PWWP2B: variants seen among roughly 807,000 people sequenced by gnomAD.
PWWP2B encodes PWWP domain containing 2B.
In PWWP2B, 9 loss-of-function variants were observed where a neutral mutation model predicts 15.5. The observed-to-expected ratio is 0.58, with a 90% CI of 0.35 to 1.02. The LOEUF (loss-of-function observed/expected upper bound fraction) is 1.02, where lower values mean the gene tolerates loss of function less well. PWWP2B is among the 50% of genes least tolerant of loss of function. The pLI is 0.02. For missense variants in PWWP2B, 864 were observed against 865.3 expected, an observed-to-expected ratio of 1.00 and a Z score of 0.02; for synonymous variants, 474 against 403.6, an observed-to-expected ratio of 1.17 and a Z score of -2.09.
At chr10:132,402,577 G>A (rs1435137127) in intron 1 of PWWP2B, among the ~76,000 whole-genome samples, 1 of 152,272 alleles carries the variant, frequency 6.6e-6, no homozygotes, top group African/African-American at 2.4e-5. Context: ...ACACGAAGTT[G>A]GTTCTCAGAA....
intron 2 of PWWP2B, among the ~76,000 whole-genome samples, 171 bp from the exon 3 acceptor site, chr10:132,416,890 G>A (rs867654601): frequency 4.4e-4 from 67 of 152,148 alleles, no homozygotes; most frequent in African/African-American, 1.4e-3. Context: ...CAGCACAGCC[G>A]GGCTGTGGGC....
intron 2 of PWWP2B, among the ~76,000 whole-genome samples, chr10:132,408,841 A>G (rs1373890676): frequency 2.6e-5 from 4 of 152,224 alleles, no homozygotes; most frequent in Non-Finnish European, 5.9e-5. Context: ...CGGATGCCCC[A>G]CAGACCACAG....
At chr10:132,414,736 G>A (rs1430340986) in intron 2 of PWWP2B, among the ~76,000 whole-genome samples, 1 of 152,202 alleles carries the variant, frequency 6.6e-6, no homozygotes, top group Non-Finnish European at 1.5e-5. Flanking sequence ...TCTAATCCTC[G>A]CAAACATTCC....
rs2069685997 is a variant in PWWP2B at position 132,405,620 on chromosome 10, G to C, written c.1120G>C (p.Ala374Pro). The C allele has an allele frequency of 1.2e-6, 2 of 1,612,006 alleles. No homozygotes were observed. The change falls in exon 2 of 3, where the codon GCC (alanine) becomes CCC (proline). Residue 374 changes from alanine to proline, a missense_variant. Physicochemically the swap from Ala to Pro is conservative, Grantham distance 27 (BLOSUM62 -1). Transcript: ENST00000305233. Reference sequence around the variant, plus strand: ...GCCGGCGCCCTGTGCGGACGGCCCTGCCGGTGGGCTGGCGGACTTGTCTTC... The same window carrying C: ...GCCGGCGCCCTGTGCGGACGGCCCTCCCGGTGGGCTGGCGGACTTGTCTTC... ...SSPAPCADGP[A>P]GGLADLSSGS...
chr10:132,415,385 T>G (rs922918229), intron 2 of PWWP2B, among the ~76,000 whole-genome samples: 3 of 135,654 alleles, frequency 2.2e-5, no homozygotes, highest in Non-Finnish European at 4.6e-5. Flanking sequence ...TCACTCACAC[T>G]CATTTACTCA....
At chr10:132,402,740 A>C (rs1472378280) in intron 1 of PWWP2B, among the ~76,000 whole-genome samples, 1 of 152,236 alleles carries the variant, frequency 6.6e-6, no homozygotes, top group East Asian at 1.9e-4. Flanking sequence ...GGTTTTGGGC[A>C]AAGGCTCATC....
rs773878702 is a variant in PWWP2B, at chr10:132,405,657, G to T, written c.1157G>T (p.Gly386Val). 3.7e-6 allele frequency: 6 copies of T among 1,612,462 alleles called. No individual in the cohort carries two copies. Among genetic ancestry groups the T allele is most frequent in the Non-Finnish European group, 5.1e-6 (6 of 1,179,894 alleles). ...GCGGACTTGTCTTCTGGAAGTTCGG[G>T]TGAGGACGATGACTTCAAGAGCTGT... ...GLADLSSGSS[G>V]EDDDFKSCPQ... The change falls in exon 2 of 3, where the codon GGT becomes GTT. Residue 386 changes from glycine to valine, a missense_variant. Physicochemically the swap from Gly to Val is moderately radical, Grantham distance 109 (BLOSUM62 -3). This residue lies in a region of PWWP2B where 736 missense variants were observed against 687.7 expected (regional missense o/e 1.07). Coordinates refer to ENST00000305233, the MANE Select transcript of PWWP2B (RefSeq NM_138499.4).
chr10:132,411,442 G>T (rs1366549263), intron 2 of PWWP2B, among the ~76,000 whole-genome samples: 1 of 152,280 alleles, frequency 6.6e-6, no homozygotes, highest in African/African-American at 2.4e-5. Flanking sequence ...CCCAGCGGTT[G>T]TGTGGGCAGC....
intron 1 of PWWP2B, among the ~76,000 whole-genome samples, chr10:132,397,732 G>C (rs572000904): frequency 2.2e-4 from 33 of 152,354 alleles, no homozygotes; most frequent in African/African-American, 7.2e-4. Context: ...CCGTGGCCTT[G>C]CCCTGGCAGT....
rs1020583438 is a variant in PWWP2B, at chr10:132,405,459, G to T, written c.959G>T (p.Arg320Leu). ...TCCATCCCCAAGTTGAAACTGACAC[G>T]GCCTGTGCCGGCCGGCGCGGACCTG... is the stretch of plus-strand genomic sequence containing the variant. ...SASIPKLKLT[R>L]PVPAGADLPP... The change falls in exon 2 of 3, where the codon CGG becomes CTG. Residue 320 changes from arginine to leucine, a missense_variant. This residue lies in a region of PWWP2B where 736 missense variants were observed against 687.7 expected (regional missense o/e 1.07). Transcript: ENST00000305233. 6.2e-7 allele frequency: 1 copy of T among 1,606,946 alleles called. No homozygotes were observed. The highest frequency in any genetic ancestry group is 1.7e-5 in the Admixed American group (1 of 59,928).
At chr10:132,398,134 C>G (rs376526664) in intron 1 of PWWP2B, among the ~76,000 whole-genome samples, 2 of 152,238 alleles carry the variant, frequency 1.3e-5, no homozygotes, top group African/African-American at 4.8e-5. Context: ...TCCTGCAGGG[C>G]TTTCTTTTGA....
At chr10:132,399,286 A>G (rs367677808) in intron 1 of PWWP2B, among the ~76,000 whole-genome samples, 87 of 152,346 alleles carry the variant, frequency 5.7e-4, no homozygotes, top group Middle Eastern at 3.4e-3. Context: ...TGGGAGCCCT[A>G]TGACAGGTGT....
At chr10:132,414,667 G>A (rs907440678) in intron 2 of PWWP2B, among the ~76,000 whole-genome samples, 1 of 152,248 alleles carries the variant, frequency 6.6e-6, no homozygotes, top group African/African-American at 2.4e-5. Flanking sequence ...TGTTACAGCT[G>A]CCTCTTCCTT....
intron 1 of PWWP2B, among the ~76,000 whole-genome samples, chr10:132,401,940 G>T (rs185573191): frequency 1.0e-3 from 154 of 149,810 alleles, no homozygotes; most frequent in Middle Eastern, 3.4e-3. Flanking sequence ...ACCCTGTTCT[G>T]TTCCCACCCT....
intron 1 of PWWP2B, among the ~76,000 whole-genome samples, chr10:132,403,022 C>T (rs1194011875): frequency 6.6e-6 from 1 of 152,256 alleles, no homozygotes; most frequent in East Asian, 1.9e-4. Flanking sequence ...TCGCGAAAGT[C>T]TTAGCCCATC....
At chr10:132,409,617 GTC>G (rs1182249848) in intron 2 of PWWP2B, among the ~76,000 whole-genome samples, 9 of 151,342 alleles carry the variant, frequency 5.9e-5, no homozygotes, top group African/African-American at 2.2e-4. Context: ...TGCTCCCCTG[GTC>G]TCTCCCTCAC....
chr10:132,397,582 G>A (rs1344682397), intron 1 of PWWP2B, among the ~76,000 whole-genome samples: 1 of 150,054 alleles, frequency 6.7e-6, no homozygotes, highest in Admixed American at 6.6e-5. Flanking sequence ...GGGCCGGGGC[G>A]GGCCGGGGCG....
At position 132,411,103 on chromosome 10, in the gene PWWP2B, T is replaced by C. The variant is rs147432323; in HGVS notation, c.*16+4814T>C. Among the ~76,000 whole-genome samples, 381 of 152,262 alleles carry C rather than the reference T, an allele frequency of 2.5e-3. 2 individuals carry two copies. Among genetic ancestry groups the C allele is most frequent in the Non-Finnish European group, 4.0e-3 (269 of 68,012 alleles). On this transcript the variant is annotated intron_variant, in intron 2 of 2. Transcript: ENST00000305233. The stretch of plus-strand genomic sequence containing the variant: ...CACTGGGGCTCTGAGACCACAGGCG[T>C]TTATTCCCACGCCTCTGGGGGTCAG...
chr10:132,416,292 C>A (rs1035023395), intron 2 of PWWP2B, among the ~76,000 whole-genome samples: 3 of 152,130 alleles, frequency 2.0e-5, no homozygotes, highest in African/African-American at 7.2e-5. Context: ...GCTCTGCAGG[C>A]TCCGCTGCCT....
Sources: allele counts gnomAD v4.1 joint callset (sites outside exome capture counted in the v4.1 genomes callset), GRCh38; gene constraint gnomAD v4.1.1; regional missense constraint gnomAD v4.1.1; transcripts MANE v1.5; gene names NCBI Gene and HGNC (gene_info 2026-07-23, HGNC 2026-07-21).